ARHGAP19: variants seen among roughly 807,000 people sequenced by gnomAD.
ARHGAP19 encodes Rho GTPase activating protein 19, also known as rho GTPase-activating protein 19.
A neutral mutation model predicts 60.9 loss-of-function variants in ARHGAP19; 48 were observed. That is an observed-to-expected ratio of 0.79 (90% CI 0.62 to 1.00). The LOEUF (loss-of-function observed/expected upper bound fraction) is 1.00, where lower values mean the gene tolerates loss of function less well. ARHGAP19 is among the 50% of genes least tolerant of loss of function. The pLI is 0.00. For synonymous variants in ARHGAP19, 209 were observed against 215.5 expected, an observed-to-expected ratio of 0.97 and a Z score of 0.27; for missense variants, 562 against 597.2, an observed-to-expected ratio of 0.94 and a Z score of 0.61.
intron 1 of ARHGAP19, chr10:97,277,764 A>G (rs866160823): frequency 6.6e-6 from 1 of 152,270 alleles, no homozygotes; most frequent in Non-Finnish European, 1.5e-5. Context: ...TTCTGTGCCA[A>G]CTGCCACTCT....
At chr10:97,278,457 T>G (rs534936704) in intron 1 of ARHGAP19, among the ~76,000 whole-genome samples, 199 of 152,312 alleles carry the variant, frequency 1.3e-3, no homozygotes, top group African/African-American at 4.5e-3. Flanking sequence ...AGTTTAAATT[T>G]AGTCACTTTA....
chr10:97,263,317 T>C, intron 4 of ARHGAP19, 103 bp downstream of exon 4: 2 of 1,177,954 alleles, frequency 1.7e-6, no homozygotes, highest in East Asian at 4.9e-5. Flanking sequence ...TAACCAATAT[T>C]AATAGAAGTA....
At chr10:97,251,055 T>G (rs1175307603) in intron 6 of ARHGAP19, among the ~76,000 whole-genome samples, 3 of 132,768 alleles carry the variant, frequency 2.3e-5, no homozygotes, top group African/African-American at 2.9e-5. Context: ...AGTGAGACCC[T>G]GTCAAAAGAA....
chr10:97,243,888 T>G, intron 8 of ARHGAP19, 80 bp downstream of exon 8: 1 of 1,344,286 alleles, frequency 7.4e-7, no homozygotes, highest in Non-Finnish European at 1.0e-6. Flanking sequence ...TAAATGAGAT[T>G]CTTAACAATA....
At chr10:97,237,086 G>A (rs535875969) in intron 8 of ARHGAP19, among the ~76,000 whole-genome samples, 8 of 151,610 alleles carry the variant, frequency 5.3e-5, no homozygotes, top group African/African-American at 1.5e-4. Context: ...GCAACATGGC[G>A]AAACCCTGTC....
chr10:97,262,633 C>T (rs1842846322), intron 4 of ARHGAP19, among the ~76,000 whole-genome samples: 1 of 152,126 alleles, frequency 6.6e-6, no homozygotes, highest in South Asian at 2.1e-4. Context: ...CCATTGCGCT[C>T]CAGCCTAGTG....
intron 6 of ARHGAP19, among the ~76,000 whole-genome samples, chr10:97,253,243 T>G (rs1842711473): frequency 6.6e-6 from 1 of 152,000 alleles, no homozygotes. Flanking sequence ...TCCAGTGTAG[T>G]GGTGCGTGCC....
chr10:97,281,125 A>G (rs139394074), intron 1 of ARHGAP19, among the ~76,000 whole-genome samples: 1 of 152,068 alleles, frequency 6.6e-6, no homozygotes, highest in African/African-American at 2.4e-5. Flanking sequence ...GCTCATGTCT[A>G]TAATTCCAAC....
chr10:97,259,578 C>G lies in ARHGAP19; in HGVS notation c.664G>C (p.Asp222His). The G allele has an allele frequency of 6.2e-7, 1 of 1,614,124 alleles. No homozygotes were observed. The highest frequency in any genetic ancestry group is 8.5e-7 in the Non-Finnish European group (1 of 1,180,006). ...AACTGGAGAGCCTCAATTTGCCGGT[C>G]CTTGTCTGGTATATTGGTCTTGTTT... ...KGNKTNIPDKDRQIEALQLLF... is the reference protein window; with the variant it reads ...KGNKTNIPDKHRQIEALQLLF... Residue 222 changes from aspartate to histidine, a missense_variant, in exon 5 of 12, where the codon GAC becomes CAC. Physicochemically the swap from Asp to His is moderately conservative, Grantham distance 81. Coordinates refer to ENST00000358531, the MANE Select transcript of ARHGAP19 (RefSeq NM_032900.6).
intron 9 of ARHGAP19, among the ~76,000 whole-genome samples, chr10:97,232,878 T>TCAA (rs1258565657): frequency 2.0e-5 from 3 of 152,182 alleles, no homozygotes; most frequent in African/African-American, 7.2e-5. Flanking sequence ...CTGGGCATGG[T>TCAA]GGCTCACGCC....
At chr10:97,235,927 T>C (rs149895338) in intron 8 of ARHGAP19, among the ~76,000 whole-genome samples, 223 of 152,268 alleles carry the variant, frequency 1.5e-3, no homozygotes, top group African/African-American at 5.2e-3. Flanking sequence ...AAAGTAATAA[T>C]AATATAGCAT....
At chr10:97,267,799 G>A (rs1337760975) in intron 1 of ARHGAP19, among the ~76,000 whole-genome samples, 1 of 152,224 alleles carries the variant, frequency 6.6e-6, no homozygotes, top group East Asian at 1.9e-4. Context: ...CAAGTCCAGG[G>A]ACTGCGCAAA....
chr10:97,235,956 T>C (rs1312605356), intron 8 of ARHGAP19, among the ~76,000 whole-genome samples: 1 of 152,194 alleles, frequency 6.6e-6, no homozygotes, highest in Non-Finnish European at 1.5e-5. Context: ...TCTACTCTTC[T>C]GCCTTTTCAG....
At chr10:97,278,998 C>T (rs1843051782) in intron 1 of ARHGAP19, among the ~76,000 whole-genome samples, 1 of 152,126 alleles carries the variant, frequency 6.6e-6, no homozygotes, top group African/African-American at 2.4e-5. Flanking sequence ...TCTGATTTAC[C>T]ACCCTGAGAG....
chr10:97,283,829 A>AT (rs975542992), intron 1 of ARHGAP19, among the ~76,000 whole-genome samples: 1 of 40,894 alleles, frequency 2.4e-5, no homozygotes, highest in South Asian at 9.3e-4. Flanking sequence ...CTTCATCTCT[A>AT]TTAAAAAAAA....
At chr10:97,254,150 GT>G (rs1322992965) in intron 6 of ARHGAP19, among the ~76,000 whole-genome samples, 1 of 152,074 alleles carries the variant, frequency 6.6e-6, no homozygotes, top group Non-Finnish European at 1.5e-5. Context: ...TACCAATGAG[GT>G]TTTTTGCAGC....
chr10:97,252,965 T>C (rs1842707396), intron 6 of ARHGAP19, among the ~76,000 whole-genome samples: 1 of 152,092 alleles, frequency 6.6e-6, no homozygotes, highest in Admixed American at 6.6e-5. Flanking sequence ...GGAATACTAT[T>C]CCGCCATAAA....
intron 6 of ARHGAP19, among the ~76,000 whole-genome samples, chr10:97,249,063 A>T (rs1170651253): frequency 2.0e-5 from 3 of 152,100 alleles, no homozygotes; most frequent in African/African-American, 4.8e-5. Context: ...ATTGACTAAC[A>T]CTTTGGAAAA....
intron 1 of ARHGAP19, among the ~76,000 whole-genome samples, chr10:97,290,801 A>G (rs1037114296): frequency 2.0e-5 from 3 of 152,192 alleles, no homozygotes; most frequent in Middle Eastern, 3.4e-3. Flanking sequence ...CTCCGATGTT[A>G]ATGACATCGA....
Sources: gnomAD v4.1 joint callset for allele counts (sites outside exome capture counted in the v4.1 genomes callset) on GRCh38, gnomAD v4.1.1 for gene constraint, MANE v1.5 for transcripts, NCBI Gene and HGNC (gene_info 2026-07-23, HGNC 2026-07-21) for gene names.